RELN: variants seen among roughly 807,000 people sequenced by gnomAD.
RELN encodes the protein reelin.
A neutral mutation model predicts 427.6 loss-of-function variants in RELN; 108 were observed. The observed-to-expected ratio is 0.25, with a 90% CI of 0.22 to 0.30. The LOEUF (loss-of-function observed/expected upper bound fraction) is 0.30, where lower values mean the gene tolerates loss of function less well. RELN is among the 10% of genes least tolerant of loss of function. The pLI is 1.00. For missense variants in RELN, 3,715 were observed against 4,302.8 expected (o/e 0.86, Z 3.82); for synonymous variants, 1,524 against 1,513.4 (o/e 1.01, Z -0.16).
At chr7:103,799,898 G>A (rs1792401491) in intron 3 of RELN, among the ~76,000 whole-genome samples, 1 of 152,064 alleles carries the variant, frequency 6.6e-6, no homozygotes, top group African/African-American at 2.4e-5. Flanking sequence ...AATGGTGAAG[G>A]TTTAAAGAAT....
chr7:103,882,467 T>A lies in RELN; in HGVS notation c.337+34608A>T, dbSNP rs555582773. ...CAATTTGGGTCCGTAAATTTTTTTT[T>A]ATTTTTTGTATTTATCCTGTCCTTT... On this transcript the variant is annotated intron_variant, in intron 2 of 64. Transcript: ENST00000428762. Among the ~76,000 whole-genome samples the A allele has an allele frequency of 2.6e-5, 4 of 151,126 alleles. No individual in the cohort carries two copies. In the South Asian group the frequency reaches 8.3e-4, roughly 31 times the overall value.
intron 11 of RELN, among the ~76,000 whole-genome samples, chr7:103,675,706 C>T (rs184526980): frequency 1.3e-4 from 20 of 152,276 alleles, no homozygotes; most frequent in Middle Eastern, 3.4e-3. Flanking sequence ...ACCAATGGAA[C>T]AGAACAGAGC....
intron 2 of RELN, among the ~76,000 whole-genome samples, chr7:103,846,352 G>A (rs188712128): frequency 1.8e-4 from 27 of 152,286 alleles, no homozygotes; most frequent in African/African-American, 6.5e-4. Context: ...AATAAATGAT[G>A]TTGGGAAAAC....
chr7:103,591,766 G>C (rs1478444881), intron 27 of RELN, among the ~76,000 whole-genome samples: 1 of 152,062 alleles, frequency 6.6e-6, no homozygotes, highest in Non-Finnish European at 1.5e-5. Flanking sequence ...TGACAAGTTC[G>C]TGCTTTAGAA....
At chr7:103,733,456 C>T (rs1473849884) in intron 6 of RELN, among the ~76,000 whole-genome samples, 8 of 134,080 alleles carry the variant, frequency 6.0e-5, no homozygotes, top group African/African-American at 2.0e-4. Flanking sequence ...ACCCAAAGGA[C>T]TATAAATCAT....
At chr7:103,604,102 G>A (rs1244949773) in intron 23 of RELN, among the ~76,000 whole-genome samples, 2 of 152,168 alleles carry the variant, frequency 1.3e-5, no homozygotes, top group Admixed American at 6.5e-5. Context: ...AAACTCTGAC[G>A]TTGAAGCTCA....
chr7:103,663,433 C>T (rs1833187928), intron 11 of RELN, among the ~76,000 whole-genome samples: 1 of 152,234 alleles, frequency 6.6e-6, no homozygotes, highest in East Asian at 1.9e-4. Flanking sequence ...TGTATCCTGT[C>T]CTCACTTTCC....
Position 103,654,148 on chromosome 7 carries a change from A to T in RELN, c.1499T>A (p.Ile500Asn). The T allele has an allele frequency of 6.2e-7, 1 of 1,611,218 alleles. No homozygotes were observed. Among genetic ancestry groups the T allele is most frequent in the Middle Eastern group, 1.7e-4 (1 of 6,046 alleles). Residue 500 changes from isoleucine (I) to asparagine (N), a missense_variant, in exon 13 of 65, where the codon ATT becomes AAT. Coordinates refer to ENST00000428762, the MANE Select transcript of RELN (RefSeq NM_005045.4). ...HENDIILYAK[I>N]EGRKEHITLD... is the part of the protein sequence containing the mutation. The stretch of plus-strand genomic sequence containing the variant: ...TGTTATATGCTCTTTTCTTCCTTCA[A>T]TTTTTGCATACAGGATTATGTCATT...
rs558373106 is a variant in RELN, at chr7:103,557,119, G to A, written c.5655C>T (p.Ser1885=). The change falls in exon 38 of 65, where the codon TCC becomes TCT. Residue 1885 remains serine (S), a synonymous_variant. Transcript: ENST00000428762. The part of the protein sequence containing the change: ...ERSHSILLQF[S]ISGGITWHLM... Reference sequence around the variant, plus strand: ...GGTGCCAAGTGATTCCTCCACTGATGGAGAATTGTAACAGAATAGAGTGAG... The same window carrying A: ...GGTGCCAAGTGATTCCTCCACTGATAGAGAATTGTAACAGAATAGAGTGAG... The A allele has an allele frequency of 1.2e-6, 2 of 1,613,658 alleles. No homozygotes were observed. The highest frequency in any genetic ancestry group is 2.7e-5 in the African/African-American group (2 of 75,026).
intron 1 of RELN, among the ~76,000 whole-genome samples, chr7:103,970,529 A>C (rs1563117678): frequency 6.6e-6 from 1 of 152,006 alleles, no homozygotes; most frequent in Admixed American, 6.6e-5. Flanking sequence ...ACTGTTTAAA[A>C]TGGCTCCCAA....
At chr7:103,936,099 C>CTTTTT (rs57827486) in intron 1 of RELN, among the ~76,000 whole-genome samples, 48,658 of 142,592 alleles carry the variant, frequency 0.34, 9,317 homozygotes, top group South Asian at 0.47. Context: ...GCTTCAATGG[C>CTTTTT]TTTTTTTTTT....
chr7:103,964,592 A>C (rs896182631), intron 1 of RELN, among the ~76,000 whole-genome samples: 2 of 152,184 alleles, frequency 1.3e-5, no homozygotes, highest in African/African-American at 4.8e-5. Flanking sequence ...AATTGCACCT[A>C]AATTTTTGCC....
chr7:103,781,459 A>C (rs542097196), intron 3 of RELN, among the ~76,000 whole-genome samples: 8 of 152,314 alleles, frequency 5.3e-5, no homozygotes, highest in Admixed American at 4.6e-4. Flanking sequence ...ATAAAATTGT[A>C]TGTAAAGCTG....
In RELN at chr7:103,487,711, CCTAT is replaced by C. The variant is rs1240711273; in HGVS notation, c.9764-1299_9764-1296del. Reference sequence around the variant, plus strand: ...TGAACTCTCACCCTGGTATGAGAGGCCTATCTAATTTCTTTTTTCCTAGCATGAT... The same window carrying C: ...TGAACTCTCACCCTGGTATGAGAGGCCTAATTTCTTTTTTCCTAGCATGAT... On this transcript the variant is annotated intron_variant, in intron 60 of 64. Coordinates refer to ENST00000428762, the MANE Select transcript of RELN (RefSeq NM_005045.4). Among the ~76,000 whole-genome samples the C allele has an allele frequency of 5.9e-5, 9 of 152,252 alleles. No homozygotes were observed. The East Asian group carries it at 1.7e-3, about 29-fold the overall frequency.
At chr7:103,542,431 GAAGTTA>G (rs1830194401) in intron 43 of RELN, among the ~76,000 whole-genome samples, 1 of 152,206 alleles carries the variant, frequency 6.6e-6, no homozygotes, top group South Asian at 2.1e-4. Flanking sequence ...ATATTTTATT[GAAGTTA>G]AAGTAAATTA....
intron 60 of RELN, among the ~76,000 whole-genome samples, chr7:103,489,463 A>AT (rs1473501518): frequency 2.0e-5 from 3 of 152,182 alleles, no homozygotes; most frequent in Non-Finnish European, 4.4e-5. Flanking sequence ...ACTATACCAT[A>AT]TCCTGATTTA....
chr7:103,765,788 T>C (rs1490740533), intron 4 of RELN, among the ~76,000 whole-genome samples: 1 of 152,164 alleles, frequency 6.6e-6, no homozygotes, highest in South Asian at 2.1e-4. Flanking sequence ...TGTAAAATCC[T>C]TCTTGGGCAT....
intron 17 of RELN, among the ~76,000 whole-genome samples, chr7:103,639,386 T>G (rs1009106422): frequency 2.6e-5 from 4 of 151,768 alleles, no homozygotes; most frequent in African/African-American, 9.7e-5. Flanking sequence ...GCAATTTCTT[T>G]TTTTTCTTTT....
intron 38 of RELN, among the ~76,000 whole-genome samples, 174 bp from the exon 39 acceptor site, chr7:103,554,005 G>A (rs1196451237): frequency 6.6e-6 from 1 of 152,078 alleles, no homozygotes; most frequent in African/African-American, 2.4e-5. Context: ...GAGCAACATA[G>A]TAAGGGCCTA....
Sources: allele counts gnomAD v4.1 joint callset (sites outside exome capture counted in the v4.1 genomes callset), GRCh38; gene constraint gnomAD v4.1.1; transcripts MANE v1.5; gene names NCBI Gene and HGNC (gene_info 2026-07-23, HGNC 2026-07-21).